The following PHEX variants were observed in gnomAD, a reference collection of about 807,000 sequenced individuals.
PHEX encodes phosphate-regulating neutral endopeptidase PHEX.
PHEX carries 16 observed loss-of-function variants against 68.0 expected under a neutral mutation model. The ratio of observed to expected loss-of-function variants is 0.24; its 90% CI spans 0.16 to 0.36. The LOEUF (loss-of-function observed/expected upper bound fraction) is 0.36. PHEX is among the 10% of genes least tolerant of loss of function. The probability of loss-of-function intolerance (pLI) is 1.00; values close to 1 mark genes in which losing one functional copy is unlikely to be tolerated. For missense variants in PHEX, 480 were observed against 575.5 expected, an observed-to-expected ratio of 0.83 and a Z score of 1.70; for synonymous variants, 208 against 205.1, an observed-to-expected ratio of 1.01 and a Z score of -0.12.
At position 22,212,958 on chromosome X, in the gene PHEX, G is replaced by A. The variant is rs760870713; in HGVS notation, c.1700G>A (p.Arg567Gln). 7 of 1,186,915 alleles carry A rather than the reference G, an allele frequency of 5.9e-6. No individual in the cohort carries two copies. The South Asian group carries it at 7.1e-5, about 12-fold the overall frequency. Residue 567 changes from arginine (R) to glutamine (Q), a missense_variant and splice_region_variant, in exon 16 of 22, where the codon CGA becomes CAA. By Grantham distance (43) the Arg-to-Gln change is conservative. Transcript: ENST00000379374. Reference protein sequence around the residue: ...KPFFWGTEYPRSLSYGAIGVI... With the variant: ...KPFFWGTEYPQSLSYGAIGVI... ...TTCTTTTGGGGAACAGAATATCCTC[G>A]GTGAGTAAATGAGTACAGAAACCAG...
chrX:22,054,281 C>G (rs943106048), intron 3 of PHEX, among the ~76,000 whole-genome samples: 5 of 111,000 alleles, frequency 4.5e-5, no homozygotes, highest in African/African-American at 1.6e-4. Flanking sequence ...ATTACAGGCG[C>G]CTGCCACCAT....
chrX:22,227,318 A>G (rs1378459752), intron 19 of PHEX, among the ~76,000 whole-genome samples, 189 bp from the exon 20 acceptor site: 3 of 112,852 alleles, frequency 2.7e-5, no homozygotes, highest in African/African-American at 9.6e-5. Flanking sequence ...TACATTGAGC[A>G]TAAGGCCTTT....
chrX:22,212,444 C>T (rs185922758), intron 15 of PHEX, among the ~76,000 whole-genome samples: 1 of 111,550 alleles, frequency 9.0e-6, no homozygotes, highest in East Asian at 2.8e-4. Context: ...CCTCATGCTC[C>T]ACTCAAAAAA....
intron 11 of PHEX, among the ~76,000 whole-genome samples, chrX:22,126,869 T>G (rs35301121): frequency 0.035 from 2,956 of 85,051 alleles, 117 homozygotes; most frequent in African/African-American, 0.13. Context: ...TAGTTGTTTT[T>G]TTTTTTTTTT....
chrX:22,211,399 T>A (rs1333831990), intron 15 of PHEX, among the ~76,000 whole-genome samples: 1 of 112,117 alleles, frequency 8.9e-6, no homozygotes, highest in African/African-American at 3.2e-5. Flanking sequence ...ATTAAAGACG[T>A]AAGTCATTAG....
At chrX:22,174,288 C>G (rs7884578) in intron 13 of PHEX, among the ~76,000 whole-genome samples, 1,724 of 111,773 alleles carry the variant, frequency 0.015, 19 homozygotes, top group African/African-American at 0.053. Context: ...TTGTCTCTTG[C>G]CAAATTTAAT....
At chrX:22,159,988 T>A (rs913965656) in intron 12 of PHEX, among the ~76,000 whole-genome samples, 2 of 112,348 alleles carry the variant, frequency 1.8e-5, no homozygotes, top group African/African-American at 3.2e-5. Context: ...CTCAGCTTTT[T>A]AAATAAAAAT....
chrX:22,153,358 A>G (rs1331394867), intron 12 of PHEX, among the ~76,000 whole-genome samples: 1 of 112,042 alleles, frequency 8.9e-6, no homozygotes, highest in Non-Finnish European at 1.9e-5. Context: ...TTTGGAAAAC[A>G]TGGTAGACAT....
chrX:22,119,369 G>T (rs1251030794), intron 11 of PHEX, among the ~76,000 whole-genome samples: 1 of 110,723 alleles, frequency 9.0e-6, no homozygotes, highest in Non-Finnish European at 1.9e-5. Context: ...TTACTTTTGT[G>T]GAAAGTTACA....
At chrX:22,092,889 A>G (rs1488080361) in intron 6 of PHEX, among the ~76,000 whole-genome samples, 15 of 106,703 alleles carry the variant, frequency 1.4e-4, no homozygotes, top group African/African-American at 5.1e-4. Context: ...AGCTGAGACT[A>G]CAGGCGTGCG....
At chrX:22,164,301 C>T (rs773599032) in intron 12 of PHEX, among the ~76,000 whole-genome samples, 4 of 111,793 alleles carry the variant, frequency 3.6e-5, no homozygotes, top group East Asian at 5.6e-4. Flanking sequence ...TAGAGGAATA[C>T]ATATATAGCA....
At chrX:22,177,712 C>A (rs1173064327) in intron 13 of PHEX, among the ~76,000 whole-genome samples, 1 of 111,886 alleles carries the variant, frequency 8.9e-6, no homozygotes, top group Non-Finnish European at 1.9e-5. Flanking sequence ...CAGATACATT[C>A]TGTTAATAAT....
intron 12 of PHEX, among the ~76,000 whole-genome samples, chrX:22,150,471 AAT>A (rs1932835496): frequency 8.9e-6 from 1 of 112,228 alleles, no homozygotes; most frequent in African/African-American, 3.2e-5. Context: ...CAGCAACCCA[AAT>A]ATACCTGTAG....
Position 22,032,693 on chromosome X carries a change from A to C in PHEX, c.-313A>C. On this transcript the variant is annotated 5_prime_UTR_variant, in exon 1 of 22. Coordinates refer to ENST00000379374, the MANE Select transcript of PHEX (RefSeq NM_000444.6). Reference sequence around the variant, plus strand: ...TTCAGCAACATAGTAAAACATATATACTCGGAACGCTTGAGAGAAGAGCCT... The same window carrying C: ...TTCAGCAACATAGTAAAACATATATCCTCGGAACGCTTGAGAGAAGAGCCT... The C allele has an allele frequency of 6.7e-6, 2 of 298,291 alleles. No homozygotes were observed. The highest frequency in any genetic ancestry group is 5.0e-5 in the Admixed American group (1 of 20,110). 24.6% of individuals were successfully genotyped at this position (298,291 alleles called of 1,213,427 possible).
At position 22,250,688 on chromosome X, in the gene PHEX, G is replaced by GCCTC. The variant is rs773840982; in HGVS notation, c.*2737_*2740dup. The GCCTC allele has an allele frequency of 6.2e-5, 7 of 112,227 alleles. No individual in the cohort carries two copies. In the East Asian group the frequency reaches 1.7e-3, roughly 27 times the overall value. 9.2% of individuals were successfully genotyped at this position (112,227 alleles called of 1,213,427 possible). A position where few individuals can be genotyped will look rare whatever the true frequency, so the allele number is the denominator to read the frequency against. On this transcript the variant is annotated 3_prime_UTR_variant, in exon 22 of 22. Transcript: ENST00000379374. ...GCTTTTCACTAAGTGCTCAGCATTG[G>GCCTC]CCTCCTGTTCTCATTTATTCATTTT...
chrX:22,119,936 A>G (rs1312236570), intron 11 of PHEX, among the ~76,000 whole-genome samples: 1 of 111,063 alleles, frequency 9.0e-6, no homozygotes, highest in Non-Finnish European at 1.9e-5. Flanking sequence ...TCTGTAATGT[A>G]TAAGTAAGTG....
At chrX:22,061,553 C>T (rs1380009788) in intron 3 of PHEX, among the ~76,000 whole-genome samples, 1 of 111,611 alleles carries the variant, frequency 9.0e-6, no homozygotes, top group Non-Finnish European at 1.9e-5. Context: ...GGGCTGGGCA[C>T]TTTATTGAGG....
rs759404599 is a variant in PHEX, at chrX:22,054,323, CAG to C, written c.349+7115_349+7116del. On this transcript the variant is annotated intron_variant, in intron 3 of 21. Coordinates refer to ENST00000379374, the MANE Select transcript of PHEX (RefSeq NM_000444.6). ...CTAATTTTTGTATTTTTAGTAGAGA[CAG>C]AGTTTCCTCATGTCGGCCAGGCTGG... Among the ~76,000 whole-genome samples the C allele has an allele frequency of 2.5e-4, 28 of 110,992 alleles. 1 individual carries two copies. In the South Asian group the frequency reaches 8.8e-3, roughly 35 times the overall value.
chrX:22,161,344 T>C (rs1933120953), intron 12 of PHEX, among the ~76,000 whole-genome samples: 2 of 112,066 alleles, frequency 1.8e-5, no homozygotes, highest in African/African-American at 6.5e-5. Context: ...AAGAATTACT[T>C]GAACCTGGGA....
Sources: gnomAD v4.1 joint callset for allele counts (sites outside exome capture counted in the v4.1 genomes callset) on GRCh38, gnomAD v4.1.1 for gene constraint, MANE v1.5 for transcripts, NCBI Gene and HGNC (gene_info 2026-07-23, HGNC 2026-07-21) for gene names.